VPS4B: variants seen among roughly 807,000 people sequenced by gnomAD.
VPS4B encodes vacuolar protein sorting-associated protein 4B.
Under a neutral mutation model 56.1 loss-of-function variants are expected in VPS4B, and 23 were observed. The ratio of observed to expected loss-of-function variants is 0.41; its 90% CI spans 0.30 to 0.58. The LOEUF is 0.58. Among genes scored for constraint, VPS4B ranks in the 20% least tolerant of loss-of-function variants. The probability of loss-of-function intolerance (pLI) is 0.29; values close to 1 mark genes in which losing one functional copy is unlikely to be tolerated. For missense variants in VPS4B, 372 were observed against 531.9 expected (o/e 0.70, Z 2.96); for synonymous variants, 177 against 186.0 (o/e 0.95, Z 0.39).
At chr18:63,417,930 G>T (rs1031560599) in intron 1 of VPS4B, among the ~76,000 whole-genome samples, 3 of 152,032 alleles carry the variant, frequency 2.0e-5, no homozygotes, top group African/African-American at 7.2e-5. Context: ...TGAGAAATGG[G>T]GTAAATTCTA....
intron 8 of VPS4B, among the ~76,000 whole-genome samples, chr18:63,398,842 A>C (rs1915745426): frequency 6.6e-6 from 1 of 152,046 alleles, no homozygotes; most frequent in African/African-American, 2.4e-5. Context: ...TCAAAAAAAA[A>C]AAAAAAATCT....
At chr18:63,413,293 T>A (rs138407460) in intron 1 of VPS4B, among the ~76,000 whole-genome samples, 70 of 152,246 alleles carry the variant, frequency 4.6e-4, no homozygotes, top group African/African-American at 1.5e-3. Flanking sequence ...TGCGTGTGAA[T>A]CTACAATTAT....
chr18:63,397,379 G>T, intron 8 of VPS4B, 126 bp from the exon 9 acceptor site: 1 of 860,976 alleles, frequency 1.2e-6, no homozygotes. Context: ...AGGTTAAAGG[G>T]ATAATATCCA....
At chr18:63,400,735 A>G (rs1915791148) in intron 5 of VPS4B, 32 bp from the exon 6 acceptor site, 2 of 1,578,154 alleles carry the variant, frequency 1.3e-6, no homozygotes, top group East Asian at 2.2e-5. Context: ...ATGTCATGAG[A>G]ATTTTAACAC....
chr18:63,405,153 T>C (rs867546774), intron 4 of VPS4B, among the ~76,000 whole-genome samples: 12 of 152,136 alleles, frequency 7.9e-5, no homozygotes, highest in African/African-American at 2.7e-4. Flanking sequence ...AACAATCTCA[T>C]ACTAGACATG....
intron 9 of VPS4B, among the ~76,000 whole-genome samples, chr18:63,393,795 G>T (rs1486678077): frequency 1.3e-5 from 2 of 151,864 alleles, no homozygotes; most frequent in Non-Finnish European, 2.9e-5. Context: ...GGAGTGAAGT[G>T]GCACGATGTC....
In VPS4B at chr18:63,410,382, T is replaced by C; in HGVS notation, c.204A>G (p.Arg68=). The change falls in exon 3 of 11, where the codon AGA becomes AGG. Residue 68 remains arginine (R), a synonymous_variant. Transcript: ENST00000238497. Reference sequence around the variant, plus strand: ...TCAGGTACTCCTTTAGTTTTTCTGCTCTATCAAGATATTCTGTACACTTTG... The same window carrying C: ...TCAGGTACTCCTTTAGTTTTTCTGCCCTATCAAGATATTCTGTACACTTTG... ...IRAKCTEYLD[R]AEKLKEYLKN... 6.2e-7 allele frequency: 1 copy of C among 1,614,028 alleles called. No homozygotes were observed. The highest frequency in any genetic ancestry group is 8.5e-7 in the Non-Finnish European group (1 of 1,180,046).
Position 63,422,266 on chromosome 18 carries a change from GT to G in VPS4B, c.-8del. 1 of 1,507,032 alleles carries G rather than the reference GT, an allele frequency of 6.6e-7. No individual in the cohort carries two copies. The highest frequency in any genetic ancestry group is 1.3e-5 in the South Asian group (1 of 78,788). 93.4% of individuals were successfully genotyped at this position (1,507,032 alleles called of 1,614,324 possible). ...TGGGCGAAGTGGATGACATGGCGGA[GT>G]TCCCAGGCGGTTCCCAAGGGAACGA... On this transcript the variant is annotated 5_prime_UTR_variant, in exon 1 of 11. Transcript: ENST00000238497.
chr18:63,391,857 G>T (rs1197562053), intron 10 of VPS4B, among the ~76,000 whole-genome samples: 1 of 152,068 alleles, frequency 6.6e-6, no homozygotes. Context: ...GATCGAAATG[G>T]TTAGAAAAAT....
rs756081615 is a variant in VPS4B at position 63,407,509 on chromosome 18, AG to A, written c.297-11del. ...CCCATCACTGTCATTCCTAATAAAA[AG>A]AATTTAATATATTCAAATGATCACT... On this transcript the variant is annotated splice_polypyrimidine_tract_variant and intron_variant, in intron 3 of 10. Coordinates refer to ENST00000238497, the MANE Select transcript of VPS4B (RefSeq NM_004869.4). 6.3e-7 allele frequency: 1 copy of A among 1,592,152 alleles called. No homozygotes were observed. The highest frequency in any genetic ancestry group is 1.8e-5 in the Admixed American group (1 of 56,736).
At chr18:63,418,782 G>C (rs1568092487) in intron 1 of VPS4B, among the ~76,000 whole-genome samples, 1 of 152,064 alleles carries the variant, frequency 6.6e-6, no homozygotes, top group Non-Finnish European at 1.5e-5. Context: ...AATTTCTAAC[G>C]TGGTCTTTGT....
chr18:63,404,634 C>T (rs538684177), intron 4 of VPS4B: 1 of 152,210 alleles, frequency 6.6e-6, no homozygotes, highest in African/African-American at 2.4e-5. Context: ...TTATCAAAAG[C>T]TTTTCTAATT....
intron 4 of VPS4B, chr18:63,404,574 A>G (rs1326362838): frequency 6.6e-6 from 1 of 152,240 alleles, no homozygotes; most frequent in African/African-American, 2.4e-5. Flanking sequence ...GTAAGAGTCC[A>G]AGAAGGATGT....
rs548226766 is a variant in VPS4B at position 63,396,975 on chromosome 18, G to T, written c.1092+59C>A. ...ACTGCACTCCAGCCTGGGCAACAGA[G>T]TGAGACTGTCTCAAAAAAAAAAAAA... On this transcript the variant is annotated intron_variant, in intron 9 of 10. Coordinates refer to ENST00000238497, the MANE Select transcript of VPS4B (RefSeq NM_004869.4). 25 of 1,532,402 alleles carry T rather than the reference G, an allele frequency of 1.6e-5. No individual in the cohort carries two copies. The Admixed American group carries it at 4.3e-4, about 26-fold the overall frequency. The allele number at this position is 1,532,402 out of a possible 1,614,324, so 94.9% of individuals were successfully genotyped here.
At position 63,397,212 on chromosome 18, in the gene VPS4B, G is replaced by A. The variant is rs1424631496; in HGVS notation, c.914C>T (p.Ala305Val). 1.2e-6 allele frequency: 2 copies of A among 1,613,334 alleles called. No individual in the cohort carries two copies. The highest frequency in any genetic ancestry group is 1.7e-6 in the Non-Finnish European group (2 of 1,179,768). Reference protein sequence around the residue: ...RIYIPLPEPHARAAMFKLHLG... With the variant: ...RIYIPLPEPHVRAAMFKLHLG... ...GTGCAGTTTAAACATTGCTGCTCGG[G>A]CATGGGGTTCCGGCAAGGGAATATA... Residue 305 changes from alanine to valine, a missense_variant, in exon 9 of 11, where the codon GCC becomes GTC. By Grantham distance (64) the Ala-to-Val change is moderately conservative. Around this residue, in one of 3 missense-constraint regions of VPS4B, gnomAD observed 153 missense variants for 190.9 expected, o/e 0.80. Transcript: ENST00000238497.
chr18:63,415,357 T>C (rs528776164), intron 1 of VPS4B: 64 of 219,082 alleles, frequency 2.9e-4, no homozygotes, highest in African/African-American at 1.5e-3. Flanking sequence ...CTCTCTATCC[T>C]TCTGCATGAC....
Position 63,400,607 on chromosome 18 carries a change from G to A in VPS4B, c.581C>T (p.Ser194Leu), listed in dbSNP as rs768570547. The A allele has an allele frequency of 2.5e-6, 4 of 1,610,624 alleles. No individual in the cohort carries two copies. The highest frequency in any genetic ancestry group is 3.4e-6 in the Non-Finnish European group (4 of 1,179,056). ...AGAGGAAGATATTGAAAAAAATGTT[G>A]AGTTGTTGGCTTCTGTTGCTACAGC... ...AKAVATEANN[S>L]TFFSISSSDL... Residue 194 changes from serine (S) to leucine (L), a missense_variant, in exon 6 of 11, where the codon TCA becomes TTA. Physicochemically the swap from Ser to Leu is moderately radical, Grantham distance 145 (BLOSUM62 -2). Transcript: ENST00000238497.
intron 1 of VPS4B, among the ~76,000 whole-genome samples, chr18:63,421,220 T>G (rs536114783): frequency 1.3e-5 from 2 of 152,170 alleles, no homozygotes; most frequent in Admixed American, 1.3e-4. Context: ...CAAGCCTCCT[T>G]TCCCACTCTT....
At chr18:63,411,955 A>C (rs1916054815) in intron 1 of VPS4B, among the ~76,000 whole-genome samples, 1 of 152,252 alleles carries the variant, frequency 6.6e-6, no homozygotes, top group Non-Finnish European at 1.5e-5. Context: ...GAAATTCTCA[A>C]AAATTAAATG....
Sources: allele counts gnomAD v4.1 joint callset (sites outside exome capture counted in the v4.1 genomes callset), GRCh38; gene constraint gnomAD v4.1.1; regional missense constraint gnomAD v4.1.1; transcripts MANE v1.5; gene names NCBI Gene and HGNC (gene_info 2026-07-23, HGNC 2026-07-21).